SPIRE2: variants seen among roughly 807,000 people sequenced by gnomAD.
SPIRE2 encodes protein spire homolog 2.
SPIRE2 carries 76 observed loss-of-function variants against 80.7 expected under a neutral mutation model. That is an observed-to-expected ratio of 0.94 (90% confidence interval 0.78 to 1.14). The LOEUF is 1.14. Ranked by LOEUF, SPIRE2 falls within the 50% of genes most tolerant of loss-of-function variation. SPIRE2 has a pLI of 0.00. For missense variants in SPIRE2, 1,196 were observed against 1,015.3 expected, an observed-to-expected ratio of 1.18 and a Z score of -2.42; for synonymous variants, 535 against 432.6, an observed-to-expected ratio of 1.24 and a Z score of -2.94.
Position 89,854,372 on chromosome 16 carries a change from G to A in SPIRE2, c.726+6G>A. The A allele has an allele frequency of 1.9e-6, 3 of 1,612,138 alleles. No individual in the cohort carries two copies. The highest frequency in any genetic ancestry group is 2.5e-6 in the Non-Finnish European group (3 of 1,179,686). On this transcript the variant is annotated splice_donor_region_variant and intron_variant, in intron 4 of 14. Transcript: ENST00000378247. ...GCCTGGGTCACACAGACTGGGTAAGGCTCACTCCCACCTGACCGGGCCACT... is the reference window on the plus strand; with the variant it reads ...GCCTGGGTCACACAGACTGGGTAAGACTCACTCCCACCTGACCGGGCCACT...
At position 89,856,208 on chromosome 16, in the gene SPIRE2, G is replaced by C. The variant is rs140601253; in HGVS notation, c.1074G>C (p.Pro358=). The part of the protein sequence containing the change: ...EEIKQERRLR[P]VRGEGWAARG... Reference sequence around the variant, plus strand: ...TCAAGCAGGAGCGGAGGCTGCGCCCGGTGCGGGGCGAGGGCTGGGCTGCCC... The same window carrying C: ...TCAAGCAGGAGCGGAGGCTGCGCCCCGTGCGGGGCGAGGGCTGGGCTGCCC... Residue 358 remains proline (P), a synonymous_variant, in exon 7 of 15, where the codon CCG becomes CCC. Transcript: ENST00000378247. 8.0e-5 allele frequency: 127 copies of C among 1,591,686 alleles called. 1 individual carries two copies. The Middle Eastern group carries it at 2.0e-3, about 25-fold the overall frequency.
At chr16:89,831,436 C>T (rs1466048007) in intron 1 of SPIRE2, among the ~76,000 whole-genome samples, 32 of 143,786 alleles carry the variant, frequency 2.2e-4, no homozygotes, top group African/African-American at 6.4e-4. Flanking sequence ...CTCGCTCTGT[C>T]GCCCAGGCTG....
At chr16:89,867,516 GCTTGGTTCAGAAAGACCCATCATGC>G (rs1021349250) in intron 12 of SPIRE2, among the ~76,000 whole-genome samples, 1 of 151,666 alleles carries the variant, frequency 6.6e-6, no homozygotes, top group African/African-American at 2.4e-5. Context: ...ACCCATCATG[GCTTGGTTCAGAAAGACCCATCATGC>G]CTTGGTTCAG....
chr16:89,863,516 A>G lies in SPIRE2; in HGVS notation c.1616A>G (p.Glu539Gly). ...HPVESLALTV[E>G]EVMDVRRVLV... ...GTGGAGAGCCTGGCGCTGACTGTGG[A>G]AGAGGTGATGGACGTGCGCCGTGTG... The change falls in exon 11 of 15, where the codon GAA becomes GGA. Residue 539 changes from glutamate to glycine, a missense_variant. Coordinates refer to ENST00000378247, the MANE Select transcript of SPIRE2 (RefSeq NM_032451.2). This position sits in a 1 kb window ranked among gnomAD's most constrained non-coding sequence, Gnocchi z 4.3. 6.2e-7 allele frequency: 1 copy of G among 1,614,038 alleles called. No homozygotes were observed. Among genetic ancestry groups the G allele is most frequent in the Non-Finnish European group, 8.5e-7 (1 of 1,180,002 alleles).
At position 89,850,675 on chromosome 16, in the gene SPIRE2, G is replaced by T; in HGVS notation, c.645+15G>T. On this transcript the variant is annotated intron_variant, in intron 3 of 14. Coordinates refer to ENST00000378247, the MANE Select transcript of SPIRE2 (RefSeq NM_032451.2). The stretch of plus-strand genomic sequence containing the variant: ...AGGCCAAGGAGGTGAGCGGTGGGTG[G>T]GGGCGACCGTGGAGGGTCCGGGAGG... 6.8e-7 allele frequency: 1 copy of T among 1,460,922 alleles called. No homozygotes were observed. Among genetic ancestry groups the T allele is most frequent in the Non-Finnish European group, 9.0e-7 (1 of 1,112,578 alleles). 90.5% of individuals were successfully genotyped at this position (1,460,922 alleles called of 1,614,324 possible).
At position 89,828,767 on chromosome 16, in the gene SPIRE2, G is replaced by T; in HGVS notation, c.217G>T (p.Val73Phe). The change falls in exon 1 of 15, where the codon GTC (valine) becomes TTC (phenylalanine). Residue 73 changes from valine to phenylalanine, a missense_variant. Transcript: ENST00000378247. This position sits in a 1 kb window ranked among gnomAD's most constrained non-coding sequence, Gnocchi z 5.9. The stretch of plus-strand genomic sequence containing the variant: ...CCTCCTGCTGCGCGGGGACGGCTCG[G>T]TCGGGGCGCGGGAGCCCGAGGCCGC... ...GDLLLRGDGS[V>F]GAREPEAAEP... is the part of the protein sequence containing the mutation. The T allele has an allele frequency of 8.4e-7, 1 of 1,190,384 alleles. No individual in the cohort carries two copies. The highest frequency in any genetic ancestry group is 1.0e-6 in the Non-Finnish European group (1 of 961,678). The allele number at this position is 1,190,384 out of a possible 1,614,324, so 73.7% of individuals were successfully genotyped here. A position where few individuals can be genotyped will look rare whatever the true frequency, so the allele number is the denominator to read the frequency against.
chr16:89,864,680 G>A (rs1488249809), intron 12 of SPIRE2, among the ~76,000 whole-genome samples: 1 of 152,190 alleles, frequency 6.6e-6, no homozygotes, highest in Non-Finnish European at 1.5e-5. Context: ...CAAAGGACTC[G>A]CCTCACTAAC....
rs180894157 is a variant in SPIRE2 at position 89,850,132 on chromosome 16, G to A, written c.289-172G>A. 514 of 723,838 alleles carry A rather than the reference G, an allele frequency of 7.1e-4. 2 individuals are homozygous for A. Among genetic ancestry groups the A allele is most frequent in the Non-Finnish European group, 8.1e-5 (33 of 405,214 alleles). The allele number at this position is 723,838 out of a possible 1,614,324, so 44.8% of individuals were successfully genotyped here. ...ATTACAGGTGTGGGCCACCGCGCCC[G>A]GCCGGGAACATCCTTTTCATCCGGT... On this transcript the variant is annotated intron_variant, in intron 2 of 14. Transcript: ENST00000378247.
chr16:89,831,640 G>A (rs1201469453), intron 1 of SPIRE2, among the ~76,000 whole-genome samples: 22 of 150,668 alleles, frequency 1.5e-4, no homozygotes, highest in Admixed American at 3.9e-4. Flanking sequence ...CTCATGATCC[G>A]CCCACCTCGG....
chr16:89,865,295 C>G (rs542697838), intron 12 of SPIRE2, among the ~76,000 whole-genome samples: 1 of 152,102 alleles, frequency 6.6e-6, no homozygotes, highest in African/African-American at 2.4e-5. Flanking sequence ...CGTAAGCCAC[C>G]GCGCCTGGCC....
chr16:89,855,960 T>G lies in SPIRE2; in HGVS notation c.979-153T>G, dbSNP rs2041686491. On this transcript the variant is annotated intron_variant, in intron 6 of 14. Coordinates refer to ENST00000378247, the MANE Select transcript of SPIRE2 (RefSeq NM_032451.2). ...GCCCAGAGCCCCCTGGGAGCAGCAC[T>G]CCCTCCGGGTGGGCCTGGCAGGCTC... is the stretch of plus-strand genomic sequence containing the variant. The G allele has an allele frequency of 3.7e-6, 5 of 1,358,798 alleles. No individual in the cohort carries two copies. The South Asian group carries it at 7.2e-5, about 20-fold the overall frequency. 84.2% of individuals were successfully genotyped at this position (1,358,798 alleles called of 1,614,324 possible). A position where few individuals can be genotyped will look rare whatever the true frequency, so the allele number is the denominator to read the frequency against.
rs148489395 is a variant in SPIRE2 at position 89,845,339 on chromosome 16, G to T, written c.262G>T (p.Val88Leu). The T allele has an allele frequency of 1.2e-6, 2 of 1,614,166 alleles. No individual in the cohort carries two copies. Among genetic ancestry groups the T allele is most frequent in the Non-Finnish European group, 1.7e-6 (2 of 1,180,006 alleles). ...PEAAEPATMVVPLASSEAQTV... is the reference protein window; with the variant it reads ...PEAAEPATMVLPLASSEAQTV... ...TCTTACAGAACCTGCAACCATGGTC[G>T]TGCCACTAGCCAGCTCGGAAGCCCA... Residue 88 changes from valine (V) to leucine (L), a missense_variant, in exon 2 of 15, where the codon GTG becomes TTG. Transcript: ENST00000378247.
chr16:89,835,469 C>G (rs1319160479), intron 1 of SPIRE2, among the ~76,000 whole-genome samples: 1 of 152,186 alleles, frequency 6.6e-6, no homozygotes, highest in Non-Finnish European at 1.5e-5. Context: ...AGGAAAGAAT[C>G]TGCTATGTCT....
At chr16:89,856,271 AG>A in intron 7 of SPIRE2, 35 bp downstream of exon 7, 1 of 1,540,512 alleles carries the variant, frequency 6.5e-7, no homozygotes, top group Non-Finnish European at 8.8e-7. Context: ...GAGAGCCCTG[AG>A]CCCCCGGCTG....
At chr16:89,834,680 G>A (rs1224004710) in intron 1 of SPIRE2, among the ~76,000 whole-genome samples, 3 of 124,250 alleles carry the variant, frequency 2.4e-5, no homozygotes, top group African/African-American at 5.9e-5. Flanking sequence ...GAACCTGCCC[G>A]CACTCGCGGT....
At chr16:89,850,789 CA>C in intron 3 of SPIRE2, 129 bp downstream of exon 3, 1 of 637,578 alleles carries the variant, frequency 1.6e-6, no homozygotes, top group South Asian at 2.1e-5. Context: ...CTGCCGCTGG[CA>C]TTATGTATTC....
At chr16:89,837,153 C>A (rs572309960) in intron 1 of SPIRE2, among the ~76,000 whole-genome samples, 2 of 152,276 alleles carry the variant, frequency 1.3e-5, no homozygotes, top group East Asian at 3.9e-4. Context: ...CGTTGTCAGG[C>A]CTGTTAAATC....
At chr16:89,838,102 C>T (rs989351034) in intron 1 of SPIRE2, among the ~76,000 whole-genome samples, 3 of 150,868 alleles carry the variant, frequency 2.0e-5, no homozygotes, top group East Asian at 1.9e-4. Context: ...GGGGATCAAA[C>T]GATTCTCCCA....
intron 1 of SPIRE2, among the ~76,000 whole-genome samples, chr16:89,831,175 C>A (rs1245028683): frequency 1.3e-5 from 2 of 150,422 alleles, no homozygotes; most frequent in African/African-American, 4.9e-5. Context: ...TTCCAAAGTG[C>A]TGGGATTACA....
Sources: allele counts gnomAD v4.1 joint callset (sites outside exome capture counted in the v4.1 genomes callset), GRCh38; gene constraint gnomAD v4.1.1; non-coding constraint Gnocchi (gnomAD v3.1); transcripts MANE v1.5; gene names NCBI Gene and HGNC (gene_info 2026-07-23, HGNC 2026-07-21).